Variants in AKR1B1 observed in about 807,000 individuals in gnomAD.
The protein encoded by AKR1B1 is aldo-keto reductase family 1 member B1.
In AKR1B1, 22 loss-of-function variants were observed where a neutral mutation model predicts 40.4. The observed-to-expected ratio is 0.54, with a 90% CI of 0.39 to 0.78. AKR1B1 has a LOEUF of 0.78. Among genes scored for constraint, AKR1B1 ranks in the 30% least tolerant of loss-of-function variants. The pLI, the probability that AKR1B1 is intolerant of heterozygous loss-of-function variation, is 0.00. For synonymous variants in AKR1B1, 157 were observed against 149.9 expected (o/e 1.05, Z -0.35); for missense variants, 357 against 396.7 (o/e 0.90, Z 0.85).
chr7:134,447,749 C>A, intron 7 of AKR1B1: 2 of 639,800 alleles, frequency 3.1e-6, no homozygotes, highest in Non-Finnish European at 5.6e-6. Flanking sequence ...CAAGCGCTGG[C>A]CCTCGTGGCA....
chr7:134,456,168 G>C (rs1335810529), intron 1 of AKR1B1, among the ~76,000 whole-genome samples: 2 of 152,170 alleles, frequency 1.3e-5, no homozygotes, highest in Non-Finnish European at 2.9e-5. Flanking sequence ...ATCTGTGAAA[G>C]AATACATACA....
In AKR1B1 at chr7:134,447,324, G is replaced by A; in HGVS notation, c.799C>T (p.Pro267Ser). Residue 267 changes from proline (P) to serine (S), a missense_variant, in exon 8 of 10, where the codon CCA becomes TCA. Coordinates refer to ENST00000285930, the MANE Select transcript of AKR1B1 (RefSeq NM_001628.4). Reference sequence around the variant, plus strand: ...TTAAAGTTCTCAGCAATGCGTTCTGGTGTCACAGACTTGGGGATCACCACC... The same window carrying A: ...TTAAAGTTCTCAGCAATGCGTTCTGATGTCACAGACTTGGGGATCACCACC... The part of the protein sequence containing the change: ...NLVVIPKSVT[P>S]ERIAENFKVF... 1 of 1,614,122 alleles carries A rather than the reference G, an allele frequency of 6.2e-7. No homozygotes were observed. The highest frequency in any genetic ancestry group is 8.5e-7 in the Non-Finnish European group (1 of 1,180,014).
At position 134,447,375 on chromosome 7, in the gene AKR1B1, T is replaced by C; in HGVS notation, c.748A>G (p.Ile250Val). 1 of 1,613,962 alleles carries C rather than the reference T, an allele frequency of 6.2e-7. No homozygotes were observed. The highest frequency in any genetic ancestry group is 8.5e-7 in the Non-Finnish European group (1 of 1,179,964). Residue 250 changes from isoleucine to valine, a missense_variant, in exon 8 of 10, where the codon ATC (isoleucine) becomes GTC (valine). By Grantham distance (29) the Ile-to-Val change is conservative. Transcript: ENST00000285930. ...AAGTTCCTCTGCATGGGGAACCGGA[T>C]CAGGACCTGTGAGCCCAAGGAGACA... is the stretch of plus-strand genomic sequence containing the variant. ...KHNKTTAQVL[I>V]RFPMQRNLVV...
chr7:134,454,074 T>C (rs1806387143), intron 1 of AKR1B1, among the ~76,000 whole-genome samples: 1 of 152,228 alleles, frequency 6.6e-6, no homozygotes, highest in Non-Finnish European at 1.5e-5. Context: ...GGCACAGCCA[T>C]TACTGATGAG....
rs1472480201 is a variant in AKR1B1, at chr7:134,442,683, A to C, written c.*45T>G. 1 of 1,602,888 alleles carries C rather than the reference A, an allele frequency of 6.2e-7. No individual in the cohort carries two copies. The highest frequency in any genetic ancestry group is 1.7e-5 in the Admixed American group (1 of 59,970). The stretch of plus-strand genomic sequence containing the variant: ...TTTGCAAGGAAAAAAATGAGGCAAG[A>C]AACACAGGTATAGGTCACTTGGGGA... On this transcript the variant is annotated 3_prime_UTR_variant, in exon 10 of 10. Transcript: ENST00000285930.
rs1424652819 is a variant in AKR1B1 at position 134,442,416 on chromosome 7, A to G, written c.*312T>C. On this transcript the variant is annotated 3_prime_UTR_variant, in exon 10 of 10. Coordinates refer to ENST00000285930, the MANE Select transcript of AKR1B1 (RefSeq NM_001628.4). ...TCTTGCTGAAAGGATTCCAGTTCCA[A>G]GCAGTCAAAACTCAACCGTTAGTGG... The G allele has an allele frequency of 3.5e-6, 1 of 286,036 alleles. No homozygotes were observed. Among genetic ancestry groups the G allele is most frequent in the Non-Finnish European group, 6.6e-6 (1 of 151,402 alleles). The allele number at this position is 286,036 out of a possible 1,614,324, so 17.7% of individuals were successfully genotyped here.
At position 134,451,462 on chromosome 7, in the gene AKR1B1, T is replaced by C. The variant is rs977423937; in HGVS notation, c.234+124A>G. ...CCTGTATGGCCGTGGGTGATACGTT[T>C]CCCCGGGAAGAATCGCCCATCAGTG... On this transcript the variant is annotated intron_variant, in intron 2 of 9. Coordinates refer to ENST00000285930, the MANE Select transcript of AKR1B1 (RefSeq NM_001628.4). 7 of 1,239,742 alleles carry C rather than the reference T, an allele frequency of 5.6e-6. No homozygotes were observed. In the Admixed American group the frequency reaches 1.2e-4, roughly 22 times the overall value. 76.8% of individuals were successfully genotyped at this position (1,239,742 alleles called of 1,614,324 possible).
At chr7:134,443,801 A>T (rs140612618) in intron 9 of AKR1B1, among the ~76,000 whole-genome samples, 1 of 152,088 alleles carries the variant, frequency 6.6e-6, no homozygotes, top group Non-Finnish European at 1.5e-5. Flanking sequence ...CCTTTTTTGT[A>T]TACCCACAGT....
intron 1 of AKR1B1, among the ~76,000 whole-genome samples, chr7:134,455,544 G>A (rs1468079715): frequency 6.6e-6 from 1 of 152,152 alleles, no homozygotes; most frequent in Non-Finnish European, 1.5e-5. Context: ...TGTTTTAAAA[G>A]CTTCCTGGCT....
rs764583222 is a variant in AKR1B1, at chr7:134,442,730, A to G, written c.949T>C (p.Ter317ArgextTer10). 1 of 1,614,152 alleles carries G rather than the reference A, an allele frequency of 6.2e-7. No individual in the cohort carries two copies. Among genetic ancestry groups the G allele is most frequent in the South Asian group, 1.1e-5 (1 of 91,074 alleles). The change falls in exon 10 of 10, where the codon TGA (stop) becomes CGA (arginine). Residue 317 changes from the stop codon to arginine, a stop_lost. Transcript: ENST00000285930. ...GGGACGAGCAGGCAACCACAGCTTCAAAACTCTTCATGGAAGGGGTAATCC... is the reference window on the plus strand; with the variant it reads ...GGGACGAGCAGGCAACCACAGCTTCGAAACTCTTCATGGAAGGGGTAATCC... ...HKDYPFHEEF[*>R]
chr7:134,449,825 C>CAA, intron 3 of AKR1B1, 28 bp from the exon 4 acceptor site: 1 of 1,591,522 alleles, frequency 6.3e-7, no homozygotes, highest in Non-Finnish European at 8.6e-7. Flanking sequence ...AACAAACAAA[C>CAA]AAAACAATCA....
At chr7:134,443,548 C>T (rs1806003533) in intron 9 of AKR1B1, among the ~76,000 whole-genome samples, 4 of 151,790 alleles carry the variant, frequency 2.6e-5, no homozygotes, top group South Asian at 4.2e-4. Flanking sequence ...CAACGGTCGG[C>T]GATTTTATAT....
In AKR1B1 at chr7:134,445,282, G is replaced by A. The variant is rs1803093; in HGVS notation, c.864C>T (p.Thr288=). Residue 288 remains threonine (T), a synonymous_variant, in exon 9 of 10, where the codon ACC becomes ACT. Transcript: ENST00000285930. ...TCCAGTTCCTGTTGTAGCTGAGTAA[G>A]GTGGTCATATCCTGGCTGCTCAGTT... ...DFELSSQDMT[T]LLSYNRNWRV... is the part of the protein sequence containing the mutation. 25 of 1,613,102 alleles carry A rather than the reference G, an allele frequency of 1.5e-5. No homozygotes were observed. Among genetic ancestry groups the A allele is most frequent in the African/African-American group, 2.7e-5 (2 of 74,908 alleles).
In AKR1B1 at chr7:134,448,996, C is replaced by G. The variant is rs759780033; in HGVS notation, c.552+1G>C. On this transcript the variant is annotated splice_donor_variant, in intron 5 of 9. Transcript: ENST00000285930. LOFTEE classifies it high-confidence loss of function. ...TGCCAGTGTCGTTGGGGGATGTTTA[C>G]CTGGTTAACTGCAGGCTTATACTTC... 2 of 1,613,908 alleles carry G rather than the reference C, an allele frequency of 1.2e-6. No individual in the cohort carries two copies. The highest frequency in any genetic ancestry group is 1.7e-6 in the Non-Finnish European group (2 of 1,179,996).
At chr7:134,449,412 C>T (rs920350578) in intron 4 of AKR1B1, 2 of 555,560 alleles carry the variant, frequency 3.6e-6, no homozygotes, top group East Asian at 3.1e-5. Context: ...CGGTGAAACC[C>T]CGTCTCTACT....
intron 8 of AKR1B1, among the ~76,000 whole-genome samples, chr7:134,446,205 G>A (rs977513051): frequency 6.6e-6 from 1 of 152,132 alleles, no homozygotes; most frequent in Non-Finnish European, 1.5e-5. Flanking sequence ...TCTCTGGTGG[G>A]ATATGCCTTT....
chr7:134,450,967 C>G, intron 2 of AKR1B1, 65 bp from the exon 3 acceptor site: 1 of 1,345,018 alleles, frequency 7.4e-7, no homozygotes, highest in Non-Finnish European at 1.1e-6. Context: ...GCTGGAAAGA[C>G]AGAGCAGTCT....
At chr7:134,450,763 G>A in intron 3 of AKR1B1, 23 bp downstream of exon 3, 1 of 1,594,860 alleles carries the variant, frequency 6.3e-7, no homozygotes, top group Non-Finnish European at 8.6e-7. Context: ...CAAGGGACCT[G>A]GTCTGCACCA....
intron 1 of AKR1B1, among the ~76,000 whole-genome samples, chr7:134,455,263 A>C (rs1016960074): frequency 1.3e-5 from 2 of 152,170 alleles, no homozygotes; most frequent in Non-Finnish European, 2.9e-5. Context: ...CTAGAAGGCT[A>C]CTGGCCATAA....
Sources: gnomAD v4.1 joint callset for allele counts (sites outside exome capture counted in the v4.1 genomes callset) on GRCh38, gnomAD v4.1.1 for gene constraint, MANE v1.5 for transcripts, NCBI Gene and HGNC (gene_info 2026-07-23, HGNC 2026-07-21) for gene names.